ABI3BP: variants seen among roughly 807,000 people sequenced by gnomAD.
ABI3BP encodes target of Nesh-SH3.
In ABI3BP, 216 loss-of-function variants were observed where a neutral mutation model predicts 268.6. That is an observed-to-expected ratio of 0.80 (90% confidence interval 0.72 to 0.90). The LOEUF (loss-of-function observed/expected upper bound fraction) is 0.90. Ranked by LOEUF, ABI3BP falls within the 40% of genes least tolerant of loss-of-function variation. The pLI is 0.00. For synonymous variants in ABI3BP, 730 were observed against 730.0 expected, an observed-to-expected ratio of 1.00 and a Z score of 0.00; for missense variants, 2,090 against 2,182.4, an observed-to-expected ratio of 0.96 and a Z score of 0.84.
At chr3:100,935,646 T>C (rs1446433869) in intron 1 of ABI3BP, among the ~76,000 whole-genome samples, 1 of 152,124 alleles carries the variant, frequency 6.6e-6, no homozygotes. Flanking sequence ...TGTCCTCTCT[T>C]ACTTCCTTGA....
intron 63 of ABI3BP, among the ~76,000 whole-genome samples, chr3:100,761,264 G>A (rs976341392): frequency 6.6e-6 from 1 of 152,144 alleles, no homozygotes; most frequent in African/African-American, 2.4e-5. Context: ...GGGTGAGAGA[G>A]GGATCCCCTA....
intron 55 of ABI3BP, among the ~76,000 whole-genome samples, chr3:100,792,094 T>G (rs372696790): frequency 1.6e-4 from 24 of 151,972 alleles, no homozygotes; most frequent in African/African-American, 5.5e-4. Flanking sequence ...AGGAAAAGAC[T>G]TCTGAGTGCA....
chr3:100,859,046 C>T (rs775733791), intron 14 of ABI3BP, among the ~76,000 whole-genome samples: 2 of 152,170 alleles, frequency 1.3e-5, no homozygotes, highest in Non-Finnish European at 2.9e-5. Flanking sequence ...GGACCCTTCC[C>T]TCAATCATTT....
intron 1 of ABI3BP, among the ~76,000 whole-genome samples, chr3:100,952,011 G>A (rs1406613975): frequency 6.6e-6 from 1 of 152,042 alleles, no homozygotes; most frequent in Non-Finnish European, 1.5e-5. Flanking sequence ...CACCCAACAA[G>A]ATCACTGTTT....
rs564280603 is a variant in ABI3BP, at chr3:100,899,026, A to G, written c.329-132T>C. ...AAACATCAAGTTCCTTTCCTTTTCTATAGTCCACATTATTACTAATTTTTG... is the reference window on the plus strand; with the variant it reads ...AAACATCAAGTTCCTTTCCTTTTCTGTAGTCCACATTATTACTAATTTTTG... On this transcript the variant is annotated intron_variant, in intron 3 of 67. Transcript: ENST00000471714. The G allele has an allele frequency of 3.0e-5, 30 of 990,504 alleles. No individual in the cohort carries two copies. The South Asian group carries it at 4.5e-4, about 15-fold the overall frequency. 61.4% of individuals were successfully genotyped at this position (990,504 alleles called of 1,614,324 possible).
chr3:100,932,269 G>A (rs757795074), intron 1 of ABI3BP, among the ~76,000 whole-genome samples: 2 of 151,870 alleles, frequency 1.3e-5, no homozygotes, highest in African/African-American at 2.4e-5. Flanking sequence ...AATCTAGGGC[G>A]TATCATTCTG....
At chr3:100,951,518 G>T (rs554625536) in intron 1 of ABI3BP, among the ~76,000 whole-genome samples, 2 of 151,994 alleles carry the variant, frequency 1.3e-5, no homozygotes, top group African/African-American at 4.8e-5. Flanking sequence ...ATACTTATTT[G>T]GTTCCAGTCC....
intron 2 of ABI3BP, among the ~76,000 whole-genome samples, chr3:100,921,582 G>A (rs149672480): frequency 1.5e-4 from 22 of 151,464 alleles, no homozygotes; most frequent in East Asian, 9.7e-4. Flanking sequence ...TCACGTCATC[G>A]CAGGGCTCTG....
At chr3:100,932,213 A>G (rs2063877831) in intron 1 of ABI3BP, among the ~76,000 whole-genome samples, 2 of 152,070 alleles carry the variant, frequency 1.3e-5, no homozygotes, top group Admixed American at 1.3e-4. Flanking sequence ...CTCAACATGG[A>G]TTAAAGACAA....
intron 2 of ABI3BP, chr3:100,912,131 C>T (rs2056766748): frequency 9.5e-6 from 5 of 525,428 alleles, no homozygotes; most frequent in African/African-American, 7.7e-5. Context: ...TTGTGTAAGG[C>T]AAGCTGGTCA....
At chr3:100,757,374 G>A (rs2095676111) in intron 63 of ABI3BP, among the ~76,000 whole-genome samples, 1 of 152,178 alleles carries the variant, frequency 6.6e-6, no homozygotes, top group Admixed American at 6.5e-5. Flanking sequence ...GGGTGATAAA[G>A]ACAAGTCCTC....
intron 63 of ABI3BP, among the ~76,000 whole-genome samples, chr3:100,761,480 A>C (rs1286841983): frequency 6.6e-6 from 1 of 152,140 alleles, no homozygotes; most frequent in African/African-American, 2.4e-5. Context: ...GTGGCTCTCT[A>C]TTGACAAGAA....
At chr3:100,772,742 C>A (rs772187538) in intron 61 of ABI3BP, among the ~76,000 whole-genome samples, 3 of 152,012 alleles carry the variant, frequency 2.0e-5, no homozygotes, top group South Asian at 2.1e-4. Context: ...TTTAAATGTA[C>A]CAATATCAAT....
Position 100,828,458 on chromosome 3 carries a change from CAAAAAT to C in ABI3BP, c.2543-12_2543-7del. ...TTCAAAGATTGTAGCAGGAACTGGC[CAAAAAT>C]AATAAAAATAAAACACCAACAAAAC... is the stretch of plus-strand genomic sequence containing the variant. On this transcript the variant is annotated splice_polypyrimidine_tract_variant and splice_region_variant and intron_variant, in intron 33 of 67. Coordinates refer to ENST00000471714, the MANE Select transcript of ABI3BP (RefSeq NM_001375547.2). 3 of 1,531,112 alleles carry C rather than the reference CAAAAAT, an allele frequency of 2.0e-6. No individual in the cohort carries two copies. The highest frequency in any genetic ancestry group is 1.7e-4 in the Middle Eastern group (1 of 5,972). The allele number at this position is 1,531,112 out of a possible 1,614,324, so 94.8% of individuals were successfully genotyped here.
At chr3:100,774,324 T>G (rs929680170) in intron 61 of ABI3BP, among the ~76,000 whole-genome samples, 1 of 152,140 alleles carries the variant, frequency 6.6e-6, no homozygotes, top group Non-Finnish European at 1.5e-5. Flanking sequence ...TGGGTCACTG[T>G]TGGTTGTTCA....
Position 100,775,252 on chromosome 3 carries a change from T to A in ABI3BP, c.4417A>T (p.Thr1473Ser). ...GGAACTGTTGGTTGCTTTATATCTG[T>A]CTCTATTCTCTCCAAGGGAGTTCCA... ...PTGTPLERIE[T>S]DIKQPTVPAS... Residue 1473 changes from threonine to serine, a missense_variant, in exon 60 of 68, where the codon ACA becomes TCA. Physicochemically the swap from Thr to Ser is moderately conservative, Grantham distance 58 (BLOSUM62 1). Transcript: ENST00000471714. 1 of 1,611,386 alleles carries A rather than the reference T, an allele frequency of 6.2e-7. No individual in the cohort carries two copies. Among genetic ancestry groups the A allele is most frequent in the Non-Finnish European group, 8.5e-7 (1 of 1,178,740 alleles).
chr3:100,892,066 A>G (rs2044971132), intron 4 of ABI3BP, among the ~76,000 whole-genome samples: 1 of 152,206 alleles, frequency 6.6e-6, no homozygotes, highest in Admixed American at 6.5e-5. Flanking sequence ...TTGGATTTAC[A>G]CCTCATTTCA....
intron 1 of ABI3BP, among the ~76,000 whole-genome samples, chr3:100,976,468 T>C (rs2086264828): frequency 6.6e-6 from 1 of 152,228 alleles, no homozygotes. Flanking sequence ...TTCCTCAGTT[T>C]AGCATTTATT....
At chr3:100,779,437 T>C (rs143186352) in intron 58 of ABI3BP, among the ~76,000 whole-genome samples, 2 of 152,234 alleles carry the variant, frequency 1.3e-5, no homozygotes, top group African/African-American at 4.8e-5. Context: ...TGCAGAAAGG[T>C]TGGTGAGGTC....
Sources: allele counts gnomAD v4.1 joint callset (sites outside exome capture counted in the v4.1 genomes callset), GRCh38; gene constraint gnomAD v4.1.1; transcripts MANE v1.5; gene names NCBI Gene and HGNC (gene_info 2026-07-23, HGNC 2026-07-21).